The following TAFA5 variants were observed in gnomAD, a reference collection of about 807,000 sequenced individuals.
The protein encoded by TAFA5 is TAFA chemokine like family member 5, also known as chemokine-like protein TAFA-5.
Under a neutral mutation model 15.3 loss-of-function variants are expected in TAFA5, and 6 were observed. That is an observed-to-expected ratio of 0.39 (90% CI 0.21 to 0.77). TAFA5 has a LOEUF of 0.77. Among genes scored for constraint, TAFA5 ranks in the 30% least tolerant of loss-of-function variants. The pLI is 0.41. For missense variants in TAFA5, 161 were observed against 193.1 expected (o/e 0.83, Z 0.98); for synonymous variants, 103 against 80.7 (o/e 1.28, Z -1.48).
intron 3 of TAFA5, among the ~76,000 whole-genome samples, chr22:48,739,136 C>A (rs531907077): frequency 2.6e-5 from 4 of 152,318 alleles, no homozygotes; most frequent in Middle Eastern, 3.4e-3. Flanking sequence ...AACCCTCCCC[C>A]GCACCAGGGC....
At chr22:48,703,850 G>T (rs1230594035) in intron 2 of TAFA5, among the ~76,000 whole-genome samples, 3 of 152,224 alleles carry the variant, frequency 2.0e-5, no homozygotes, top group Non-Finnish European at 4.4e-5. Context: ...CCCCACTCCT[G>T]CTGGCCCAGG....
At chr22:48,546,544 A>C (rs1374676551) in intron 1 of TAFA5, 2 of 471,076 alleles carry the variant, frequency 4.2e-6, no homozygotes, top group East Asian at 1.4e-4. Flanking sequence ...GTGGGATGAG[A>C]GATACGGATG....
intron 3 of TAFA5, among the ~76,000 whole-genome samples, chr22:48,724,149 C>T (rs1010198454): frequency 3.9e-5 from 5 of 127,482 alleles, no homozygotes; most frequent in East Asian, 2.0e-4. Flanking sequence ...TTGGGGTTCT[C>T]GTTGCATTGC....
intron 1 of TAFA5, among the ~76,000 whole-genome samples, chr22:48,515,366 C>T (rs531011400): frequency 1.3e-5 from 2 of 152,242 alleles, no homozygotes; most frequent in Non-Finnish European, 2.9e-5. Context: ...GCAGGCGGAT[C>T]ACCTGATCGC....
intron 1 of TAFA5, among the ~76,000 whole-genome samples, chr22:48,525,986 C>G (rs776950324): frequency 1.3e-5 from 2 of 152,228 alleles, no homozygotes; most frequent in Non-Finnish European, 2.9e-5. Flanking sequence ...CCAAATGGCC[C>G]TCAGTGCAGA....
chr22:48,636,211 T>C (rs1433267782), intron 1 of TAFA5, among the ~76,000 whole-genome samples: 1 of 152,194 alleles, frequency 6.6e-6, no homozygotes, highest in Admixed American at 6.5e-5. Context: ...TCGTTGACTT[T>C]GCTAGCAACA....
At chr22:48,749,459 G>A (rs904191996) in intron 3 of TAFA5, among the ~76,000 whole-genome samples, 3 of 152,212 alleles carry the variant, frequency 2.0e-5, no homozygotes, top group Non-Finnish European at 4.4e-5. Context: ...AGAGGCCCAG[G>A]AAGCTGGGAG....
intron 2 of TAFA5, among the ~76,000 whole-genome samples, chr22:48,703,814 T>A (rs888531905): frequency 6.6e-6 from 1 of 152,226 alleles, no homozygotes; most frequent in Non-Finnish European, 1.5e-5. Flanking sequence ...CCACCCACAC[T>A]GCCCGGGTTT....
chr22:48,577,099 G>A (rs1224955113), intron 1 of TAFA5, among the ~76,000 whole-genome samples: 2 of 152,232 alleles, frequency 1.3e-5, no homozygotes, highest in South Asian at 2.1e-4. Flanking sequence ...GGTTTGGGAA[G>A]CAGGGGCTTG....
chr22:48,669,376 C>T lies in TAFA5; in HGVS notation c.262+22630C>T, dbSNP rs149764657. 9.4e-3 allele frequency among the ~76,000 whole-genome samples: 1,436 copies of T among 152,304 alleles called. 31 individuals carry two copies. The highest frequency in any genetic ancestry group is 0.032 in the African/African-American group (1,339 of 41,560). On this transcript the variant is annotated intron_variant, in intron 2 of 3. Transcript: ENST00000402357. ...ATCAGGCAAAAGGAGCCCTTGGCCC[C>T]GGGGTAGCCCCCTTTCAAGCCCAGC...
At chr22:48,655,547 C>T (rs1031419774) in intron 2 of TAFA5, among the ~76,000 whole-genome samples, 1 of 152,122 alleles carries the variant, frequency 6.6e-6, no homozygotes, top group Non-Finnish European at 1.5e-5. Flanking sequence ...CAGTCAAGTC[C>T]TTTTACAGCA....
At chr22:48,542,111 G>GA (rs1156812956) in intron 1 of TAFA5, among the ~76,000 whole-genome samples, 7 of 41,790 alleles carry the variant, frequency 1.7e-4, no homozygotes, top group Non-Finnish European at 4.3e-4. Flanking sequence ...TGTGTGGTGT[G>GA]TGTGTGTGTG....
chr22:48,742,193 C>T lies in TAFA5; in HGVS notation c.391-7646C>T, dbSNP rs1930199689. ...TTCACCAGGCACAGCCCTGCCCCAC[C>T]CCACAGGCCCCTCATCCTTCACCAG... On this transcript the variant is annotated intron_variant, in intron 3 of 3. Transcript: ENST00000402357. This position sits in a 1 kb window ranked among gnomAD's most constrained non-coding sequence, Gnocchi z 6.2. 6.6e-6 allele frequency among the ~76,000 whole-genome samples: 1 copy of T among 151,774 alleles called. No individual in the cohort carries two copies. Among genetic ancestry groups the T allele is most frequent in the Non-Finnish European group, 1.5e-5 (1 of 67,968 alleles).
intron 1 of TAFA5, among the ~76,000 whole-genome samples, chr22:48,562,064 G>T (rs1375983323): frequency 1.3e-5 from 2 of 152,202 alleles, no homozygotes; most frequent in African/African-American, 4.8e-5. Flanking sequence ...CTGGCGCAGG[G>T]TAAGCACTGA....
At chr22:48,618,234 C>G (rs1177546487) in intron 1 of TAFA5, among the ~76,000 whole-genome samples, 1 of 152,148 alleles carries the variant, frequency 6.6e-6, no homozygotes, top group Admixed American at 6.5e-5. Context: ...GCCCCAGTCC[C>G]CCACAGGCTT....
At chr22:48,510,616 T>G (rs938818829) in intron 1 of TAFA5, among the ~76,000 whole-genome samples, 4 of 152,178 alleles carry the variant, frequency 2.6e-5, no homozygotes, top group African/African-American at 9.7e-5. Context: ...TATTCTGGGG[T>G]GGGGGAACCT....
chr22:48,730,639 A>G (rs1034289666), intron 3 of TAFA5, among the ~76,000 whole-genome samples: 1 of 152,056 alleles, frequency 6.6e-6, no homozygotes, highest in African/African-American at 2.4e-5. Flanking sequence ...CCTGTATTTC[A>G]AACTTTATTA....
intron 1 of TAFA5, among the ~76,000 whole-genome samples, chr22:48,565,470 A>G (rs1199587274): frequency 6.6e-6 from 1 of 152,232 alleles, no homozygotes; most frequent in Non-Finnish European, 1.5e-5. Context: ...TATTCAGTGC[A>G]CCAGGGCCAC....
rs374100646 is a variant in TAFA5, at chr22:48,542,230, CTGTG to C, written c.112+52535_112+52538del. ...ATGTACATGATGTGTGGTGTGTGTGCTGTGTGTGTGTGCATATGTGTGTGTATGT... is the reference window on the plus strand; with the variant it reads ...ATGTACATGATGTGTGGTGTGTGTGCTGTGTGTGCATATGTGTGTGTATGT... On this transcript the variant is annotated intron_variant, in intron 1 of 3. Coordinates refer to ENST00000402357, the MANE Select transcript of TAFA5 (RefSeq NM_001082967.3). Among the ~76,000 whole-genome samples the C allele has an allele frequency of 8.0e-3, 813 of 101,126 alleles. 8 individuals carry two copies. Among genetic ancestry groups the C allele is most frequent in the East Asian group, 0.067 (206 of 3,090 alleles). The allele number at this position is 101,126 out of a possible 152,430, so 66.3% of individuals were successfully genotyped here.
Sources: gnomAD v4.1 joint callset for allele counts (sites outside exome capture counted in the v4.1 genomes callset) on GRCh38, gnomAD v4.1.1 for gene constraint, Gnocchi (gnomAD v3.1) non-coding constraint, MANE v1.5 for transcripts, NCBI Gene and HGNC (gene_info 2026-07-23, HGNC 2026-07-21) for gene names.